RIT2: variants seen among roughly 807,000 people sequenced by gnomAD.
The protein encoded by RIT2 is GTP-binding protein Rit2.
Under a neutral mutation model 23.7 loss-of-function variants are expected in RIT2, and 24 were observed. The observed-to-expected ratio is 1.01, with a 90% CI of 0.73 to 1.43. The LOEUF (loss-of-function observed/expected upper bound fraction) is 1.43. RIT2 is among the 40% of genes most tolerant of loss of function. RIT2 has a pLI of 0.00. For missense variants in RIT2, 236 were observed against 266.9 expected, an observed-to-expected ratio of 0.88 and a Z score of 0.81; for synonymous variants, 107 against 91.1, an observed-to-expected ratio of 1.17 and a Z score of -0.99.
At chr18:43,072,938 G>A (rs773659234) in intron 1 of RIT2, among the ~76,000 whole-genome samples, 18 of 152,170 alleles carry the variant, frequency 1.2e-4, no homozygotes, top group Non-Finnish European at 1.9e-4. Flanking sequence ...TCCTCAAGCT[G>A]CCTTACACAC....
chr18:42,973,561 T>A (rs1384993694), intron 3 of RIT2, among the ~76,000 whole-genome samples: 2 of 151,960 alleles, frequency 1.3e-5, no homozygotes, highest in Admixed American at 1.3e-4. Context: ...TCTATTTTTA[T>A]GTCACAAAAA....
chr18:42,981,669 A>T (rs1006534435), intron 2 of RIT2, among the ~76,000 whole-genome samples: 34 of 152,104 alleles, frequency 2.2e-4, no homozygotes, highest in African/African-American at 7.5e-4. Context: ...TGGAAAAAAA[A>T]ATTAAAAATA....
intron 2 of RIT2, among the ~76,000 whole-genome samples, chr18:43,026,000 T>C (rs1467851809): frequency 6.6e-6 from 1 of 151,994 alleles, no homozygotes; most frequent in East Asian, 1.9e-4. Flanking sequence ...GGCAAATAAA[T>C]AACTCTGTTA....
intron 4 of RIT2, among the ~76,000 whole-genome samples, chr18:42,798,134 C>T (rs1167440504): frequency 6.6e-6 from 1 of 152,108 alleles, no homozygotes; most frequent in African/African-American, 2.4e-5. Flanking sequence ...TTTTGCCTGC[C>T]TTTTCAGCAT....
intron 3 of RIT2, among the ~76,000 whole-genome samples, chr18:42,947,316 A>G (rs983707672): frequency 7.9e-5 from 12 of 152,094 alleles, no homozygotes; most frequent in Admixed American, 4.6e-4. Flanking sequence ...AACACAGTTG[A>G]CAGCTGGATT....
At chr18:42,970,436 G>T (rs1206190039) in intron 3 of RIT2, among the ~76,000 whole-genome samples, 1 of 152,022 alleles carries the variant, frequency 6.6e-6, no homozygotes, top group Non-Finnish European at 1.5e-5. Context: ...ATTTGGTGAT[G>T]CCATGGGATT....
rs143506434 is a variant in RIT2, at chr18:42,991,907, T to C, written c.161-17760A>G. 4.1e-3 allele frequency among the ~76,000 whole-genome samples: 617 copies of C among 152,266 alleles called. 4 individuals are homozygous for C. The highest frequency in any genetic ancestry group is 0.013 in the African/African-American group (530 of 41,556). On this transcript the variant is annotated intron_variant, in intron 2 of 4. Coordinates refer to ENST00000326695, the MANE Select transcript of RIT2 (RefSeq NM_002930.4). The stretch of plus-strand genomic sequence containing the variant: ...CCTGCGGCCAGGTGATTAAAAGCTT[T>C]ATTGCTCACACAAAGCCTGTTTTGT...
At chr18:42,785,799 A>G (rs1214499266) in intron 4 of RIT2, among the ~76,000 whole-genome samples, 1 of 152,132 alleles carries the variant, frequency 6.6e-6, no homozygotes, top group Non-Finnish European at 1.5e-5. Context: ...CACACTTTGC[A>G]TCTTTCATAC....
intron 4 of RIT2, among the ~76,000 whole-genome samples, chr18:42,865,367 GA>G (rs887685410): frequency 2.6e-5 from 4 of 152,326 alleles, no homozygotes; most frequent in African/African-American, 9.6e-5. Flanking sequence ...AGCACAGATA[GA>G]TTGAATTTAA....
chr18:43,101,824 G>T (rs532063666), intron 1 of RIT2, among the ~76,000 whole-genome samples: 1 of 152,232 alleles, frequency 6.6e-6, no homozygotes, highest in South Asian at 2.1e-4. Flanking sequence ...GGCTTTTGTG[G>T]GGTGGCTCTA....
intron 4 of RIT2, among the ~76,000 whole-genome samples, chr18:42,817,570 A>C (rs1235912865): frequency 1.3e-5 from 2 of 152,126 alleles, no homozygotes; most frequent in Admixed American, 1.3e-4. Flanking sequence ...TGGAAGTAAA[A>C]CTGTATTGTA....
chr18:42,845,593 T>A (rs2144029739), intron 4 of RIT2, among the ~76,000 whole-genome samples: 1 of 150,264 alleles, frequency 6.7e-6, no homozygotes, highest in East Asian at 1.9e-4. Context: ...TAAATATTGG[T>A]CATATATTTG....
rs138667332 is a variant in RIT2 at position 42,979,619 on chromosome 18, T to A, written c.161-5472A>T. ...TGTGTCTGTGTGTACAGAGCAGAAG[T>A]ATCTTGCAACGTACTGTGCTGCACA... is the stretch of plus-strand genomic sequence containing the variant. On this transcript the variant is annotated intron_variant, in intron 2 of 4. Transcript: ENST00000326695. Among the ~76,000 whole-genome samples the A allele has an allele frequency of 3.5e-4, 54 of 152,278 alleles. No individual in the cohort carries two copies. The East Asian group carries it at 8.9e-3, about 25-fold the overall frequency.
intron 4 of RIT2, among the ~76,000 whole-genome samples, chr18:42,868,168 T>G (rs771548797): frequency 6.6e-6 from 1 of 152,228 alleles, no homozygotes; most frequent in Non-Finnish European, 1.5e-5. Flanking sequence ...TTCCACACAT[T>G]CTTTTTTAAC....
chr18:43,045,555 G>A (rs1462384115), intron 1 of RIT2, among the ~76,000 whole-genome samples: 1 of 152,134 alleles, frequency 6.6e-6, no homozygotes, highest in Admixed American at 6.6e-5. Flanking sequence ...TTTAAGTGTT[G>A]TAATATCTGC....
intron 4 of RIT2, among the ~76,000 whole-genome samples, chr18:42,836,362 G>C (rs1343797827): frequency 6.6e-6 from 1 of 152,036 alleles, no homozygotes; most frequent in African/African-American, 2.4e-5. Context: ...GAGTGGGATG[G>C]GGAGAGTAAA....
intron 2 of RIT2, among the ~76,000 whole-genome samples, chr18:43,002,176 T>C (rs1598744478): frequency 6.6e-6 from 1 of 151,750 alleles, no homozygotes; most frequent in African/African-American, 2.4e-5. Context: ...GGTCCAAGAG[T>C]TTAAAAGTTG....
intron 1 of RIT2, among the ~76,000 whole-genome samples, chr18:43,084,358 C>A (rs924879462): frequency 6.6e-6 from 1 of 152,086 alleles, no homozygotes; most frequent in Non-Finnish European, 1.5e-5. Flanking sequence ...CCAGAAATAC[C>A]ATTTGACCCA....
intron 1 of RIT2, among the ~76,000 whole-genome samples, chr18:43,112,336 G>A (rs899500727): frequency 6.6e-6 from 1 of 152,142 alleles, no homozygotes; most frequent in African/African-American, 2.4e-5. Context: ...TCTGACTGTG[G>A]TTAGGACTGA....
Sources: gnomAD v4.1 joint callset for allele counts (sites outside exome capture counted in the v4.1 genomes callset) on GRCh38, gnomAD v4.1.1 for gene constraint, MANE v1.5 for transcripts, NCBI Gene and HGNC (gene_info 2026-07-23, HGNC 2026-07-21) for gene names.